Variants in LOC128706666 observed in about 807,000 individuals in gnomAD.
chr20:10,415,136 C>A, the LOC128706666 span, among the ~76,000 whole-genome samples: 1 of 152,178 alleles, frequency 6.6e-6, no homozygotes. Flanking sequence ...ATTCCTGACA[C>A]ATTAATAATA....
the LOC128706666 span, among the ~76,000 whole-genome samples, chr20:10,429,469 T>C: frequency 6.6e-6 from 1 of 152,338 alleles, no homozygotes; most frequent in East Asian, 1.9e-4. Context: ...TAGACCCACA[T>C]AATAAACTGC....
At chr20:10,419,076 G>T in the LOC128706666 span, among the ~76,000 whole-genome samples, 1 of 151,938 alleles carries the variant, frequency 6.6e-6, no homozygotes, top group Non-Finnish European at 1.5e-5. Flanking sequence ...AAATATTGTT[G>T]AAACCAGTAA....
the LOC128706666 span, among the ~76,000 whole-genome samples, chr20:10,422,261 G>A: frequency 6.6e-6 from 1 of 152,010 alleles, no homozygotes; most frequent in East Asian, 1.9e-4. Context: ...AACACGACCT[G>A]CTTTGTAAAT....
the LOC128706666 span, among the ~76,000 whole-genome samples, chr20:10,426,413 T>G: frequency 7.9e-5 from 12 of 152,102 alleles, no homozygotes; most frequent in African/African-American, 2.9e-4. Context: ...ATGTTGTTCT[T>G]TTTTCTTTTT....
the LOC128706666 span, among the ~76,000 whole-genome samples, chr20:10,423,247 C>T: frequency 2.1e-4 from 32 of 152,142 alleles, no homozygotes; most frequent in Admixed American, 5.9e-4. Flanking sequence ...TGGCAAAACC[C>T]GTTTCTACAA....
chr20:10,424,364 G>A, the LOC128706666 span, among the ~76,000 whole-genome samples: 440 of 152,038 alleles, frequency 2.9e-3, 3 homozygotes, highest in African/African-American at 0.01. Flanking sequence ...GAGACTGCCT[G>A]GGCAATACAG....
the LOC128706666 span, among the ~76,000 whole-genome samples, chr20:10,423,688 A>G: frequency 6.6e-6 from 1 of 152,222 alleles, no homozygotes; most frequent in Non-Finnish European, 1.5e-5. Context: ...TCTCCCAGTT[A>G]AAGATAAAAG....
chr20:10,426,325 T>C, the LOC128706666 span, among the ~76,000 whole-genome samples: 1 of 152,170 alleles, frequency 6.6e-6, no homozygotes, highest in Non-Finnish European at 1.5e-5. Context: ...TGATCACGGA[T>C]GAGGGGAACA....
At chr20:10,421,089 G>A in the LOC128706666 span, among the ~76,000 whole-genome samples, 1 of 152,036 alleles carries the variant, frequency 6.6e-6, no homozygotes, top group African/African-American at 2.4e-5. Context: ...AATGTTCTCT[G>A]AGCCACAATA....
chr20:10,423,368 G>C, the LOC128706666 span, among the ~76,000 whole-genome samples: 2 of 152,114 alleles, frequency 1.3e-5, no homozygotes, highest in Non-Finnish European at 2.9e-5. Context: ...GCTGCGGTGA[G>C]CTGAGATAAC....
the LOC128706666 span, among the ~76,000 whole-genome samples, chr20:10,425,089 C>T: frequency 6.6e-6 from 1 of 151,542 alleles, no homozygotes; most frequent in East Asian, 1.9e-4. Flanking sequence ...ATTAGCATTA[C>T]TGTTCTTTTC....
At chr20:10,424,200 A>C in the LOC128706666 span, among the ~76,000 whole-genome samples, 1 of 152,106 alleles carries the variant, frequency 6.6e-6, no homozygotes, top group South Asian at 2.1e-4. Context: ...CTTTAAAATG[A>C]CATTGGCATA....
At chr20:10,421,491 G>GT in the LOC128706666 span, among the ~76,000 whole-genome samples, 1 of 151,676 alleles carries the variant, frequency 6.6e-6, no homozygotes, top group East Asian at 1.9e-4. Context: ...CAAATATGCA[G>GT]TAAGAATTTA....
chr20:10,433,982 C>G, the LOC128706666 span: 3 of 152,318 alleles, frequency 2.0e-5, no homozygotes, highest in Non-Finnish European at 4.4e-5. Context: ...TCCCCGCCCT[C>G]AAATATCCTT....
At chr20:10,414,531 C>T in the LOC128706666 span, among the ~76,000 whole-genome samples, 3 of 152,092 alleles carry the variant, frequency 2.0e-5, no homozygotes, top group Non-Finnish European at 4.4e-5. Context: ...TCCCAAAGTG[C>T]TGGGATTACA....
At chr20:10,413,985 GA>G in the LOC128706666 span, 2 of 399,308 alleles carry the variant, frequency 5.0e-6, no homozygotes, top group Non-Finnish European at 8.8e-6. Context: ...GCAGTTTGTA[GA>G]CTGCAGTTTA....
the LOC128706666 span, among the ~76,000 whole-genome samples, chr20:10,416,464 GACA>G: frequency 2.0e-5 from 3 of 151,812 alleles, no homozygotes; most frequent in East Asian, 5.8e-4. Context: ...TCCAAAATGG[GACA>G]ACTTTAGCAT....
the LOC128706666 span, among the ~76,000 whole-genome samples, chr20:10,424,594 T>A: frequency 1.6e-4 from 24 of 151,848 alleles, no homozygotes; most frequent in African/African-American, 5.6e-4. Context: ...AAAAAAAAAA[T>A]AGTTTTCAAA....
chr20:10,416,776 T>C, the LOC128706666 span, among the ~76,000 whole-genome samples: 6 of 152,294 alleles, frequency 3.9e-5, no homozygotes, highest in African/African-American at 1.4e-4. Context: ...TAGACCCATA[T>C]ATGGTGGTTG....
Sources: gnomAD v4.1 joint callset for allele counts (sites outside exome capture counted in the v4.1 genomes callset) on GRCh38, gnomAD v4.1.1 for gene constraint, MANE v1.5 for transcripts.